SLC44A5: variants seen among roughly 807,000 people sequenced by gnomAD.
The protein encoded by SLC44A5 is choline transporter-like protein 5.
A neutral mutation model predicts 101.8 loss-of-function variants in SLC44A5; 57 were observed. The observed-to-expected ratio is 0.56, with a 90% CI of 0.45 to 0.70. SLC44A5 has a LOEUF of 0.70. SLC44A5 is among the 30% of genes least tolerant of loss of function. SLC44A5 has a pLI of 0.00. For synonymous variants in SLC44A5, 281 were observed against 290.9 expected (o/e 0.97, Z 0.35); for missense variants, 737 against 853.1 (o/e 0.86, Z 1.70).
chr1:75,480,028 GC>G (rs1483934809), intron 2 of SLC44A5, among the ~76,000 whole-genome samples: 1 of 152,164 alleles, frequency 6.6e-6, no homozygotes, highest in Non-Finnish European at 1.5e-5. Context: ...ACCGAATCTG[GC>G]AGCACATCAA....
chr1:75,543,919 T>A (rs1671503666), intron 1 of SLC44A5, among the ~76,000 whole-genome samples: 1 of 152,054 alleles, frequency 6.6e-6, no homozygotes, highest in South Asian at 2.1e-4. Flanking sequence ...GATGAGTGAC[T>A]CAAGCCAAAG....
chr1:75,432,582 A>G (rs1044838174), intron 2 of SLC44A5, among the ~76,000 whole-genome samples: 1 of 152,190 alleles, frequency 6.6e-6, no homozygotes, highest in Non-Finnish European at 1.5e-5. Context: ...GACTGGTTAT[A>G]ATGGTCTACA....
the SLC44A5 span, among the ~76,000 whole-genome samples, chr1:75,709,820 T>C: frequency 6.6e-6 from 1 of 152,242 alleles, no homozygotes; most frequent in Non-Finnish European, 1.5e-5. Context: ...ATTCCTGTTC[T>C]TGTACACAAA....
At chr1:75,487,589 A>C (rs1040340464) in intron 2 of SLC44A5, among the ~76,000 whole-genome samples, 1 of 152,212 alleles carries the variant, frequency 6.6e-6, no homozygotes, top group African/African-American at 2.4e-5. Flanking sequence ...GATCATTTCT[A>C]TGAACCCTCT....
intron 2 of SLC44A5, among the ~76,000 whole-genome samples, chr1:75,399,140 A>C (rs980918435): frequency 1.3e-5 from 2 of 152,018 alleles, no homozygotes; most frequent in Non-Finnish European, 2.9e-5. Flanking sequence ...CATTGATGTG[A>C]GTCCTGCTCC....
At chr1:75,582,231 CCAAGAAGCACAA>C in intron 1 of SLC44A5, 1 of 1,342,798 alleles carries the variant, frequency 7.4e-7, no homozygotes, top group Non-Finnish European at 1.0e-6. Context: ...ATGCGCTTTG[CCAAGAAGCACAA>C]CAAGAAGGGC....
intron 4 of SLC44A5, among the ~76,000 whole-genome samples, chr1:75,313,269 T>G (rs939187861): frequency 3.9e-5 from 6 of 152,162 alleles, no homozygotes; most frequent in Non-Finnish European, 4.4e-5. Context: ...ATGAATGGAT[T>G]TCTCTCTAAC....
intron 5 of SLC44A5, among the ~76,000 whole-genome samples, chr1:75,297,109 T>C (rs1172411050): frequency 6.6e-6 from 1 of 152,166 alleles, no homozygotes; most frequent in African/African-American, 2.4e-5. Context: ...TTAACTTTCT[T>C]GTTAACTTTT....
chr1:75,264,088 C>T (rs1011093498), intron 6 of SLC44A5, among the ~76,000 whole-genome samples: 1 of 147,934 alleles, frequency 6.8e-6, no homozygotes, highest in African/African-American at 2.5e-5. Flanking sequence ...ATGTAACAAA[C>T]CTGCATGTTC....
rs55635448 is a variant in SLC44A5 at position 75,250,190 on chromosome 1, C to A, written c.345+1020G>T. On this transcript the variant is annotated intron_variant, in intron 7 of 23. Transcript: ENST00000370859. ...CTGATAGGCCCCCATGCCTGTTGTT[C>A]CCCTCTTTGTGTCCATATGTTCTCA... 6.6e-3 allele frequency among the ~76,000 whole-genome samples: 1,002 copies of A among 152,096 alleles called. 10 individuals carry two copies. The highest frequency in any genetic ancestry group is 0.023 in the African/African-American group (954 of 41,506).
intron 2 of SLC44A5, among the ~76,000 whole-genome samples, chr1:75,402,721 C>T (rs1290455692): frequency 1.3e-5 from 2 of 152,186 alleles, no homozygotes; most frequent in African/African-American, 2.4e-5. Context: ...CAGGTGCCTA[C>T]ACCACCACAC....
intron 2 of SLC44A5, among the ~76,000 whole-genome samples, chr1:75,524,815 T>G (rs1054788337): frequency 3.9e-5 from 6 of 152,278 alleles, no homozygotes; most frequent in African/African-American, 1.4e-4. Flanking sequence ...AATTTTATAA[T>G]ATATATCCTT....
rs1294131143 is a variant in SLC44A5, at chr1:75,466,954, A to C, written c.14-70333T>G. 3.9e-5 allele frequency among the ~76,000 whole-genome samples: 6 copies of C among 152,330 alleles called. No individual in the cohort carries two copies. The East Asian group carries it at 1.2e-3, about 29-fold the overall frequency. On this transcript the variant is annotated intron_variant, in intron 2 of 23. Transcript: ENST00000370859. ...TGGAAAAACCTACACTGCACAAAAA[A>C]CTATTAGAATTGATCAACAAATTCA...
intron 9 of SLC44A5, among the ~76,000 whole-genome samples, 159 bp downstream of exon 9, chr1:75,241,842 T>C (rs1272270545): frequency 6.6e-6 from 1 of 152,110 alleles, no homozygotes; most frequent in South Asian, 2.1e-4. Flanking sequence ...AGCCAAGAGA[T>C]GAGCTCTACT....
intron 4 of SLC44A5, among the ~76,000 whole-genome samples, chr1:75,326,438 T>C (rs1656606604): frequency 6.6e-6 from 1 of 152,038 alleles, no homozygotes; most frequent in Non-Finnish European, 1.5e-5. Flanking sequence ...AATCACAGTT[T>C]AGTAATTAAC....
chr1:75,459,362 A>G (rs1666369013), intron 2 of SLC44A5, among the ~76,000 whole-genome samples: 2 of 152,210 alleles, frequency 1.3e-5, no homozygotes, highest in Non-Finnish European at 2.9e-5. Context: ...CATTTTTTGG[A>G]CATTCAGTTC....
At chr1:75,389,160 C>T (rs1447585447) in intron 3 of SLC44A5, among the ~76,000 whole-genome samples, 1 of 152,174 alleles carries the variant, frequency 6.6e-6, no homozygotes, top group African/African-American at 2.4e-5. Flanking sequence ...GCACTCAACA[C>T]TGGAGCACTC....
intron 4 of SLC44A5, among the ~76,000 whole-genome samples, chr1:75,330,106 TACACACACACACAC>T (rs59962302): frequency 0.018 from 2,308 of 128,626 alleles, 62 homozygotes; most frequent in Middle Eastern, 0.07. Context: ...TATATATATA[TACACACACACACAC>T]ACACACACAC....
intron 2 of SLC44A5, among the ~76,000 whole-genome samples, chr1:75,463,430 A>AG (rs1345621734): frequency 6.6e-6 from 1 of 151,268 alleles, no homozygotes; most frequent in Non-Finnish European, 1.5e-5. Flanking sequence ...AAAAAAAAAA[A>AG]AAAAAAAAAA....
Sources: gnomAD v4.1 joint callset for allele counts (sites outside exome capture counted in the v4.1 genomes callset) on GRCh38, gnomAD v4.1.1 for gene constraint, MANE v1.5 for transcripts, NCBI Gene and HGNC (gene_info 2026-07-23, HGNC 2026-07-21) for gene names.